The following PPA1 variants were observed in gnomAD, a reference collection of about 807,000 sequenced individuals.
The protein encoded by PPA1 is inorganic pyrophosphatase.
A neutral mutation model predicts 41.8 loss-of-function variants in PPA1; 23 were observed. That is an observed-to-expected ratio of 0.55 (90% CI 0.40 to 0.78). PPA1 has a LOEUF of 0.78. Among genes scored for constraint, PPA1 ranks in the 30% least tolerant of loss-of-function variants. The probability of loss-of-function intolerance (pLI) is 0.00; values close to 1 mark genes in which losing one functional copy is unlikely to be tolerated. For missense variants in PPA1, 320 were observed against 361.6 expected (o/e 0.89, Z 0.93); for synonymous variants, 101 against 116.8 (o/e 0.86, Z 0.87).
At chr10:70,217,332 G>A (rs1840091353) in intron 4 of PPA1, among the ~76,000 whole-genome samples, 1 of 152,022 alleles carries the variant, frequency 6.6e-6, no homozygotes, top group Non-Finnish European at 1.5e-5. Flanking sequence ...TTTATTTTTT[G>A]AAATAACCAT....
In PPA1 at chr10:70,218,920, C is replaced by A. The variant is rs1840105972; in HGVS notation, c.124-103G>T. ...AGTCAAACTGTTCATTGTATCAGATCTTTGAAGTCAATTGGATTTTCAACA... is the reference window on the plus strand; with the variant it reads ...AGTCAAACTGTTCATTGTATCAGATATTTGAAGTCAATTGGATTTTCAACA... On this transcript the variant is annotated intron_variant, in intron 2 of 10. Coordinates refer to ENST00000373232, the MANE Select transcript of PPA1 (RefSeq NM_021129.4). 5.1e-6 allele frequency: 4 copies of A among 785,110 alleles called. No homozygotes were observed. The South Asian group carries it at 6.3e-5, about 12-fold the overall frequency. The allele number at this position is 785,110 out of a possible 1,614,324, so 48.6% of individuals were successfully genotyped here.
intron 6 of PPA1, among the ~76,000 whole-genome samples, chr10:70,212,887 ACTTACTTCG>A (rs1217983987): frequency 1.1e-4 from 17 of 152,156 alleles, no homozygotes; most frequent in Non-Finnish European, 2.5e-4. Context: ...TCCTGAAGAC[ACTTACTTCG>A]CTAAGTGAAA....
chr10:70,233,291 AG>A lies in PPA1; in HGVS notation c.36del (p.Phe13SerfsTer35). ...AGGAAGACTCGGTACTCCAGGGAGA[AG>A]GGCGCGGCGCGCTCCTCGGTGCTGA... ...SGFSTEERAA[P>X]FSLEYRVFLK... On this transcript the variant is annotated frameshift_variant, in exon 1 of 11. Transcript: ENST00000373232. LOFTEE classifies it high-confidence loss of function. 1 of 1,542,984 alleles carries A rather than the reference AG, an allele frequency of 6.5e-7. No homozygotes were observed. Among genetic ancestry groups the A allele is most frequent in the Non-Finnish European group, 8.7e-7 (1 of 1,144,590 alleles).
At chr10:70,229,569 T>C (rs1840266153) in intron 2 of PPA1, among the ~76,000 whole-genome samples, 1 of 152,230 alleles carries the variant, frequency 6.6e-6, no homozygotes, top group Non-Finnish European at 1.5e-5. Flanking sequence ...GAAGTCTGTG[T>C]GCCTACCTGT....
intron 8 of PPA1, among the ~76,000 whole-genome samples, chr10:70,206,852 GAGAGGAGAGGAGA>G (rs1839946582): frequency 3.3e-5 from 3 of 90,042 alleles, no homozygotes; most frequent in African/African-American, 1.6e-4. Context: ...CAATAAGGAG[GAGAGGAGAGGAGA>G]GGAGGGGAGG....
At chr10:70,224,193 T>TC (rs74869361) in intron 2 of PPA1, among the ~76,000 whole-genome samples, 1 of 3,300 alleles carries the variant, frequency 3.0e-4, no homozygotes, top group Non-Finnish European at 1.2e-3. Flanking sequence ...AGAGGATTGC[T>TC]TAGACTAGGA....
intron 1 of PPA1, among the ~76,000 whole-genome samples, chr10:70,230,731 AG>A (rs1247633513): frequency 3.3e-5 from 5 of 152,182 alleles, no homozygotes; most frequent in African/African-American, 1.2e-4. Context: ...AGCCTCCCAA[AG>A]GGCTGGAATT....
At chr10:70,219,795 C>T (rs1210500995) in intron 2 of PPA1, among the ~76,000 whole-genome samples, 1 of 152,054 alleles carries the variant, frequency 6.6e-6, no homozygotes, top group Non-Finnish European at 1.5e-5. Flanking sequence ...CTTTGCCAAC[C>T]CATTTTGCAC....
intron 2 of PPA1, among the ~76,000 whole-genome samples, chr10:70,220,356 A>G (rs1840124757): frequency 7.2e-6 from 1 of 138,456 alleles, no homozygotes. Context: ...TGGCTCAAGC[A>G]ATCTTCCCAT....
intron 2 of PPA1, among the ~76,000 whole-genome samples, chr10:70,220,817 ATATATTATATATATAATTT>A (rs1840144454): frequency 2.2e-5 from 1 of 45,172 alleles, no homozygotes; most frequent in Non-Finnish European, 3.6e-5. Context: ...TAATTTTTAT[ATATATTATATATATAATTT>A]TTATATATAT....
At chr10:70,229,457 C>T (rs1840264960) in intron 2 of PPA1, among the ~76,000 whole-genome samples, 1 of 152,126 alleles carries the variant, frequency 6.6e-6, no homozygotes. Context: ...TCTTTTTCCC[C>T]TAGAAAAGTA....
chr10:70,213,734 T>C, intron 5 of PPA1, 145 bp from the exon 6 acceptor site: 2 of 921,198 alleles, frequency 2.2e-6, no homozygotes, highest in Non-Finnish European at 3.2e-6. Flanking sequence ...TTTAAAAACC[T>C]AAATGAGTAA....
intron 10 of PPA1, chr10:70,203,757 C>T (rs1414254900): frequency 6.6e-6 from 1 of 152,410 alleles, no homozygotes; most frequent in African/African-American, 2.4e-5. Context: ...CCAGAAAAAT[C>T]TTACAGAGAA....
chr10:70,229,038 C>T (rs905245542), intron 2 of PPA1, among the ~76,000 whole-genome samples: 4 of 152,166 alleles, frequency 2.6e-5, no homozygotes, highest in Non-Finnish European at 5.9e-5. Flanking sequence ...AATCAAACTT[C>T]CTTACTGAAG....
chr10:70,217,798 G>A lies in PPA1; in HGVS notation c.297+14C>T. 2 of 1,521,734 alleles carry A rather than the reference G, an allele frequency of 1.3e-6. No homozygotes were observed. The highest frequency in any genetic ancestry group is 1.8e-6 in the Non-Finnish European group (2 of 1,127,532). 94.3% of individuals were successfully genotyped at this position (1,521,734 alleles called of 1,614,324 possible). On this transcript the variant is annotated intron_variant, in intron 4 of 10. Coordinates refer to ENST00000373232, the MANE Select transcript of PPA1 (RefSeq NM_021129.4). ...GCTAAAAAGTACATTGTCAGCAGTT[G>A]CATGAAGACATACCTGAGGGATGGC...
At chr10:70,230,480 G>A in intron 1 of PPA1, 81 bp from the exon 2 acceptor site, 1 of 1,367,390 alleles carries the variant, frequency 7.3e-7, no homozygotes, top group Non-Finnish European at 1.0e-6. Context: ...TTTTTTCTGA[G>A]ATAAGGTCCC....
chr10:70,209,185 T>C lies in PPA1; in HGVS notation c.725+20A>G, dbSNP rs745986032. ...GCTGGTCTGCTTTGTGTGTTAAACA[T>C]GCAAAGTGTTTACACTTACCAACTG... On this transcript the variant is annotated intron_variant, in intron 8 of 10. Transcript: ENST00000373232. The C allele has an allele frequency of 6.6e-5, 100 of 1,524,858 alleles. No homozygotes were observed. The highest frequency in any genetic ancestry group is 1.7e-4 in the Middle Eastern group (1 of 5,898). The allele number at this position is 1,524,858 out of a possible 1,614,324, so 94.5% of individuals were successfully genotyped here.
chr10:70,203,152 T>G lies in PPA1; in HGVS notation c.*3A>C. 6.2e-7 allele frequency: 1 copy of G among 1,607,188 alleles called. No homozygotes were observed. The highest frequency in any genetic ancestry group is 1.1e-5 in the South Asian group (1 of 90,934). ...TATCAGCTTGTATTCCAGAGAAATC[T>G]CATTAGTTTTTCTGGTGATGGAACC... is the stretch of plus-strand genomic sequence containing the variant. On this transcript the variant is annotated 3_prime_UTR_variant, in exon 11 of 11. Coordinates refer to ENST00000373232, the MANE Select transcript of PPA1 (RefSeq NM_021129.4).
intron 2 of PPA1, among the ~76,000 whole-genome samples, chr10:70,222,335 C>CAAAAAAA (rs67974203): frequency 1.1e-4 from 8 of 73,162 alleles, no homozygotes; most frequent in African/African-American, 1.8e-4. Context: ...GACTCCGTCT[C>CAAAAAAA]AAAAAAAAAA....
Sources: allele counts gnomAD v4.1 joint callset (sites outside exome capture counted in the v4.1 genomes callset), GRCh38; gene constraint gnomAD v4.1.1; transcripts MANE v1.5; gene names NCBI Gene and HGNC (gene_info 2026-07-23, HGNC 2026-07-21).